Variants in PARD6G observed in about 807,000 individuals in gnomAD.
PARD6G encodes the protein par-6 family cell polarity regulator gamma, also known as partitioning defective 6 homolog gamma.
In PARD6G, 7 loss-of-function variants were observed where a neutral mutation model predicts 10.7. The ratio of observed to expected loss-of-function variants is 0.66; its 90% confidence interval spans 0.37 to 1.23. The LOEUF is 1.23. Ranked by LOEUF, PARD6G falls within the 50% of genes most tolerant of loss-of-function variation. PARD6G has a pLI of 0.02. For synonymous variants in PARD6G, 287 were observed against 269.4 expected, an observed-to-expected ratio of 1.07 and a Z score of -0.64; for missense variants, 548 against 571.8, an observed-to-expected ratio of 0.96 and a Z score of 0.42.
At chr18:80,195,572 T>TATATACATATATATAC (rs894731117) in intron 2 of PARD6G, among the ~76,000 whole-genome samples, 1 of 87,348 alleles carries the variant, frequency 1.1e-5, no homozygotes, top group African/African-American at 5.9e-5. Flanking sequence ...TATATATATA[T>TATATACATATATATAC]ACACACATTT....
At position 80,160,606 on chromosome 18, in the gene PARD6G, T is replaced by C; in HGVS notation, c.296A>G (p.Glu99Gly). Residue 99 changes from glutamate (E) to glycine (G), a missense_variant and splice_region_variant, in exon 3 of 3, where the codon GAG (glutamate) becomes GGG (glycine). By Grantham distance (98) the Glu-to-Gly change is moderately conservative. Coordinates refer to ENST00000353265, the MANE Select transcript of PARD6G (RefSeq NM_032510.4). ...PLLRVFIQKR[E>G]EAERGSLGAG... Reference sequence around the variant, plus strand: ...GCCGAGGCTGCCACGCTCGGCCTCCTCTGCGGGAGAGGGGACAGTTAGAGG... The same window carrying C: ...GCCGAGGCTGCCACGCTCGGCCTCCCCTGCGGGAGAGGGGACAGTTAGAGG... The C allele has an allele frequency of 6.9e-7, 1 of 1,442,206 alleles. No individual in the cohort carries two copies. The highest frequency in any genetic ancestry group is 1.4e-5 in the African/African-American group (1 of 69,372). The allele number at this position is 1,442,206 out of a possible 1,614,324, so 89.3% of individuals were successfully genotyped here.
intron 1 of PARD6G, among the ~76,000 whole-genome samples, chr18:80,220,506 G>C (rs541972435): frequency 6.6e-6 from 1 of 152,204 alleles, no homozygotes; most frequent in Admixed American, 6.5e-5. Context: ...CAATATATCA[G>C]TATTGTGTAT....
intron 1 of PARD6G, among the ~76,000 whole-genome samples, chr18:80,236,118 C>G (rs558893541): frequency 6.6e-6 from 1 of 152,286 alleles, no homozygotes; most frequent in African/African-American, 2.4e-5. Flanking sequence ...TACTGGCAAA[C>G]CAAATCCAGC....
At chr18:80,209,971 C>A (rs192020019) in intron 1 of PARD6G, among the ~76,000 whole-genome samples, 5 of 152,224 alleles carry the variant, frequency 3.3e-5, no homozygotes, top group African/African-American at 1.2e-4. Context: ...CTATCTATTC[C>A]CCCAACTCTA....
chr18:80,245,164 CAG>C (rs1277903113), intron 1 of PARD6G, among the ~76,000 whole-genome samples: 1 of 152,188 alleles, frequency 6.6e-6, no homozygotes, highest in Non-Finnish European at 1.5e-5. Context: ...CCAGGGAAGG[CAG>C]AGGCAGCCTC....
Position 80,160,517 on chromosome 18 carries a change from G to C in PARD6G, c.385C>G (p.Arg129Gly). The C allele has an allele frequency of 6.6e-7, 1 of 1,522,592 alleles. No individual in the cohort carries two copies. The highest frequency in any genetic ancestry group is 1.3e-5 in the South Asian group (1 of 76,432). The allele number at this position is 1,522,592 out of a possible 1,614,324, so 94.3% of individuals were successfully genotyped here. The change falls in exon 3 of 3, where the codon CGT becomes GGT. Residue 129 changes from arginine (R) to glycine (G), a missense_variant. Transcript: ENST00000353265. The part of the protein sequence containing the change: ...GALRDEGPRR[R>G]AHLDIGLPRD... The stretch of plus-strand genomic sequence containing the variant: ...GGGAGGCCGATGTCCAGGTGTGCAC[G>C]CCGCCGGGGTCCTTCATCACGCAGC...
chr18:80,174,364 G>A (rs890356092), intron 2 of PARD6G, among the ~76,000 whole-genome samples: 9 of 152,154 alleles, frequency 5.9e-5, no homozygotes, highest in African/African-American at 1.7e-4. Context: ...GCTGGAGGCC[G>A]CTAGGTGACA....
intron 2 of PARD6G, among the ~76,000 whole-genome samples, chr18:80,165,437 T>C (rs1270438759): frequency 6.6e-6 from 1 of 152,288 alleles, no homozygotes; most frequent in African/African-American, 2.4e-5. Context: ...CTGTTCTTTT[T>C]CAAGGTGCAC....
At chr18:80,213,501 A>G (rs1441691677) in intron 1 of PARD6G, among the ~76,000 whole-genome samples, 1 of 152,236 alleles carries the variant, frequency 6.6e-6, no homozygotes, top group Non-Finnish European at 1.5e-5. Flanking sequence ...ATTTAAGGAA[A>G]TCTCTATCTA....
chr18:80,219,389 T>C (rs915595717), intron 1 of PARD6G, among the ~76,000 whole-genome samples: 2 of 152,118 alleles, frequency 1.3e-5, no homozygotes, highest in African/African-American at 2.4e-5. Context: ...TTGTATTTTT[T>C]AGTAGAGATG....
At chr18:80,178,835 C>T (rs915684745) in intron 2 of PARD6G, among the ~76,000 whole-genome samples, 5 of 152,128 alleles carry the variant, frequency 3.3e-5, no homozygotes, top group Non-Finnish European at 7.3e-5. Flanking sequence ...CCATCACTTC[C>T]TCCCATGTGT....
rs1477535864 is a variant in PARD6G, at chr18:80,184,864, T to C, written c.295+17846A>G. Reference sequence around the variant, plus strand: ...TGGTGAAAATGTTCTAAACTGACTATGGCTGCACAACTCTGTGAACACACT... The same window carrying C: ...TGGTGAAAATGTTCTAAACTGACTACGGCTGCACAACTCTGTGAACACACT... On this transcript the variant is annotated intron_variant, in intron 2 of 2. Coordinates refer to ENST00000353265, the MANE Select transcript of PARD6G (RefSeq NM_032510.4). The surrounding 1 kb of genome is among the most constrained non-coding windows in gnomAD (Gnocchi z 4.5). The C allele has an allele frequency of 6.6e-6, 1 of 152,202 alleles. No individual in the cohort carries two copies. Among genetic ancestry groups the C allele is most frequent in the Non-Finnish European group, 1.5e-5 (1 of 68,046 alleles). The allele number at this position is 152,202 out of a possible 1,614,324, so 9.4% of individuals were successfully genotyped here.
rs2052666840 is a variant in PARD6G at position 80,157,994 on chromosome 18, T to C, written c.*1777A>G. The C allele has an allele frequency of 6.6e-6, 1 of 152,250 alleles. No homozygotes were observed. The allele number at this position is 152,250 out of a possible 1,614,324, so 9.4% of individuals were successfully genotyped here. ...GCAGCTCCGACAACCTAGAAAAATATTTCTTTACCTGTATCTGTATGAAAG... is the reference window on the plus strand; with the variant it reads ...GCAGCTCCGACAACCTAGAAAAATACTTCTTTACCTGTATCTGTATGAAAG... On this transcript the variant is annotated 3_prime_UTR_variant, in exon 3 of 3. Coordinates refer to ENST00000353265, the MANE Select transcript of PARD6G (RefSeq NM_032510.4).
At chr18:80,223,825 T>C (rs949099820) in intron 1 of PARD6G, among the ~76,000 whole-genome samples, 3 of 152,214 alleles carry the variant, frequency 2.0e-5, no homozygotes, top group African/African-American at 7.2e-5. Context: ...GGCCAGCATC[T>C]GCTGTAAGCA....
chr18:80,195,580 T>TATACA (rs1217519591), intron 2 of PARD6G, among the ~76,000 whole-genome samples: 8 of 134,312 alleles, frequency 6.0e-5, no homozygotes, highest in African/African-American at 2.3e-4. Context: ...TATACACACA[T>TATACA]TTTTTTTTCT....
intron 2 of PARD6G, chr18:80,170,445 T>A (rs1359645933): frequency 1.3e-5 from 2 of 152,284 alleles, no homozygotes; most frequent in Non-Finnish European, 2.9e-5. Flanking sequence ...CCAGAGCAAA[T>A]CTATTTTCCA....
At chr18:80,222,345 TC>T (rs1463307052) in intron 1 of PARD6G, among the ~76,000 whole-genome samples, 1 of 152,130 alleles carries the variant, frequency 6.6e-6, no homozygotes, top group African/African-American at 2.4e-5. Flanking sequence ...TGCCTTGGCC[TC>T]CCAAAGTGTT....
chr18:80,160,228 G>T lies in PARD6G; in HGVS notation c.674C>A (p.Ala225Asp). The T allele has an allele frequency of 6.2e-7, 1 of 1,613,114 alleles. No homozygotes were observed. The highest frequency in any genetic ancestry group is 8.5e-7 in the Non-Finnish European group (1 of 1,179,850). ...CGTGACCTGGTCCAGCGTCTTCCCG[G>T]CCACCTCAATGCCGTTCACCTCCAG... ...EVLEVNGIEV[A>D]GKTLDQVTDM... Residue 225 changes from alanine to aspartate, a missense_variant, in exon 3 of 3, where the codon GCC (alanine) becomes GAC (aspartate). Coordinates refer to ENST00000353265, the MANE Select transcript of PARD6G (RefSeq NM_032510.4).
At chr18:80,178,248 T>C (rs1225155532) in intron 2 of PARD6G, 1 of 157,574 alleles carries the variant, frequency 6.3e-6, no homozygotes, top group African/African-American at 2.4e-5. Flanking sequence ...TGCTGCACTC[T>C]AAGAGGAGAA....
Sources: allele counts gnomAD v4.1 joint callset (sites outside exome capture counted in the v4.1 genomes callset), GRCh38; gene constraint gnomAD v4.1.1; non-coding constraint Gnocchi (gnomAD v3.1); transcripts MANE v1.5; gene names NCBI Gene and HGNC (gene_info 2026-07-23, HGNC 2026-07-21).